The following ANTXRL variants were observed in gnomAD, a reference collection of about 807,000 sequenced individuals.
The protein encoded by ANTXRL is ANTXR like.
ANTXRL carries 63 observed loss-of-function variants against 75.4 expected under a neutral mutation model. The observed-to-expected ratio is 0.84, with a 90% CI of 0.68 to 1.03. The LOEUF (loss-of-function observed/expected upper bound fraction) is 1.03. Among genes scored for constraint, ANTXRL ranks in the 50% least tolerant of loss-of-function variants. The pLI is 0.00. For missense variants in ANTXRL, 797 were observed against 789.4 expected (o/e 1.01, Z -0.12); for synonymous variants, 335 against 291.3 (o/e 1.15, Z -1.53).
chr10:46,324,431 T>C (rs782317748), intron 16 of ANTXRL, among the ~76,000 whole-genome samples: 1 of 152,162 alleles, frequency 6.6e-6, no homozygotes, highest in Non-Finnish European at 1.5e-5. Flanking sequence ...ATCTTGGTAT[T>C]ATAATCTTAT....
chr10:46,287,370 C>T lies in ANTXRL; in HGVS notation c.108C>T (p.Asp36=), dbSNP rs1565008706. The T allele has an allele frequency of 6.5e-7, 1 of 1,536,054 alleles. No individual in the cohort carries two copies. The highest frequency in any genetic ancestry group is 1.4e-5 in the African/African-American group (1 of 73,114). ...GAAGCCTTCGGTACCATGGACCTGACTGGAGAATATTTCACCGCCTGGCCC... is the reference window on the plus strand; with the variant it reads ...GAAGCCTTCGGTACCATGGACCTGATTGGAGAATATTTCACCGCCTGGCCC... ...RAGSLRYHGP[D]WRIFHRLALG... is the part of the protein sequence containing the mutation. Residue 36 remains aspartate, a synonymous_variant, in exon 1 of 17, where the codon GAC becomes GAT. Coordinates refer to ENST00000620264, the MANE Select transcript of ANTXRL (RefSeq NM_001278688.3).
intron 1 of ANTXRL, among the ~76,000 whole-genome samples, chr10:46,288,376 G>T (rs1411029050): frequency 1.3e-5 from 2 of 152,214 alleles, no homozygotes; most frequent in South Asian, 2.1e-4. Context: ...TGGAGGTTGG[G>T]GAAGCATCCA....
In ANTXRL at chr10:46,311,573, C is replaced by T; in HGVS notation, c.1237C>T (p.Pro413Ser). The change falls in exon 15 of 17, where the codon CCG becomes TCG. Residue 413 changes from proline (P) to serine (S), a missense_variant. This residue lies in a region of ANTXRL where 479 missense variants were observed against 422.0 expected (regional missense o/e 1.14). Transcript: ENST00000620264. ...GCCTCCGCCTCCACCACCTCCACTC[C>T]CGCCTCCGCCCCCAGCTCCTGTAAA... ...PPPPPPPPPL[P>S]PPPPAPVNTC... is the part of the protein sequence containing the mutation. The T allele has an allele frequency of 2.6e-6, 4 of 1,514,194 alleles. No individual in the cohort carries two copies. In the South Asian group the frequency reaches 3.6e-5, roughly 14 times the overall value. The allele number at this position is 1,514,194 out of a possible 1,614,324, so 93.8% of individuals were successfully genotyped here.
intron 13 of ANTXRL, among the ~76,000 whole-genome samples, 154 bp downstream of exon 13, chr10:46,309,356 C>A (rs1422291095): frequency 1.3e-5 from 2 of 152,328 alleles, no homozygotes; most frequent in East Asian, 3.9e-4. Context: ...CAGACCTGTC[C>A]ACACGTTCCC....
chr10:46,293,360 ATGTGAGTGTGCC>A (rs1837132493), intron 2 of ANTXRL, among the ~76,000 whole-genome samples: 2 of 117,038 alleles, frequency 1.7e-5, no homozygotes, highest in African/African-American at 3.5e-5. Flanking sequence ...ATGTGTGTGC[ATGTGAGTGTGCC>A]TGTGTGTGAG....
At chr10:46,326,544 A>G (rs1839221395) in intron 16 of ANTXRL, among the ~76,000 whole-genome samples, 1 of 152,076 alleles carries the variant, frequency 6.6e-6, no homozygotes. Context: ...CTCAGAGGAA[A>G]AAAGGTTGGG....
chr10:46,309,079 G>A lies in ANTXRL; in HGVS notation c.1045-34G>A, dbSNP rs782641442. ...TGGTGGGCACGGGGAAGAGGCCACCGAGGCCCTCCTATGGTGCTCTCTTTC... is the reference window on the plus strand; with the variant it reads ...TGGTGGGCACGGGGAAGAGGCCACCAAGGCCCTCCTATGGTGCTCTCTTTC... On this transcript the variant is annotated intron_variant, in intron 12 of 16. Transcript: ENST00000620264. 4.1e-5 allele frequency: 63 copies of A among 1,535,360 alleles called. 1 individual carries two copies. The highest frequency in any genetic ancestry group is 1.6e-4 in the Admixed American group (8 of 50,978).
Position 46,311,629 on chromosome 10 carries a change from T to TA in ANTXRL, c.1293_1294insA (p.Gly432ArgfsTer20). 1 of 1,316,312 alleles carries TA rather than the reference T, an allele frequency of 7.6e-7. No homozygotes were observed. Among genetic ancestry groups the TA allele is most frequent in the Non-Finnish European group, 1.1e-6 (1 of 946,298 alleles). The allele number at this position is 1,316,312 out of a possible 1,614,324, so 81.5% of individuals were successfully genotyped here. A position where few individuals can be genotyped will look rare whatever the true frequency, so the allele number is the denominator to read the frequency against. ...GCCCCACTGTGATTATTTGTTGCTG[T>TA]GGATGCCAAGGAGTGGGCGGGATGA... On this transcript the variant is annotated frameshift_variant, in exon 15 of 17. Transcript: ENST00000620264. LOFTEE classifies it high-confidence loss of function.
At chr10:46,320,426 G>T (rs760106258) in intron 16 of ANTXRL, among the ~76,000 whole-genome samples, 2 of 152,012 alleles carry the variant, frequency 1.3e-5, no homozygotes, top group Non-Finnish European at 2.9e-5. Context: ...TTTGAGCAAG[G>T]GTTTGTTACA....
chr10:46,306,803 A>G lies in ANTXRL; in HGVS notation c.896A>G (p.Asp299Gly). Residue 299 changes from aspartate (D) to glycine (G), a missense_variant and splice_region_variant, in exon 11 of 17, where the codon GAT becomes GGT. Around this residue, in one of 3 missense-constraint regions of ANTXRL, gnomAD observed 479 missense variants for 422.0 expected, o/e 1.14. Transcript: ENST00000620264. ...RFIFNESTIIDEKPTSIDNNS... is the reference protein window; with the variant it reads ...RFIFNESTIIGEKPTSIDNNS... ...TTCTTCTCATGTCATTTTCTTTTAG[A>G]TGAAAAGCCAACCAGTATCGACAAT... 8 of 1,526,484 alleles carry G rather than the reference A, an allele frequency of 5.2e-6. No homozygotes were observed. Among genetic ancestry groups the G allele is most frequent in the Non-Finnish European group, 7.0e-6 (8 of 1,142,992 alleles). The allele number at this position is 1,526,484 out of a possible 1,614,324, so 94.6% of individuals were successfully genotyped here. A position where few individuals can be genotyped will look rare whatever the true frequency, so the allele number is the denominator to read the frequency against.
chr10:46,313,434 C>T (rs1838547457), intron 16 of ANTXRL, 118 bp downstream of exon 16: 1 of 1,033,390 alleles, frequency 9.7e-7, no homozygotes, highest in Non-Finnish European at 1.4e-6. Flanking sequence ...AAGAGGACGG[C>T]ACAAGACACA....
At chr10:46,318,119 A>C (rs1176577361) in intron 16 of ANTXRL, among the ~76,000 whole-genome samples, 1 of 152,130 alleles carries the variant, frequency 6.6e-6, no homozygotes, top group African/African-American at 2.4e-5. Context: ...AGGTGGCCTC[A>C]GTGTTAGTGC....
At position 46,287,484 on chromosome 10, in the gene ANTXRL, ATT is replaced by A. The variant is rs1554955557; in HGVS notation, c.224_225del (p.Phe75Ter). 1 of 1,535,742 alleles carries A rather than the reference ATT, an allele frequency of 6.5e-7. No homozygotes were observed. The highest frequency in any genetic ancestry group is 8.7e-7 in the Non-Finnish European group (1 of 1,146,698). ...GQAGHRCQGS[F>X]DLYFILDKSG... ...AAGCAGGTCACAGATGCCAGGGCTC[ATT>A]TGACCTCTACTTCATCTTGGACAAG... On this transcript the variant is annotated frameshift_variant, in exon 1 of 17. Coordinates refer to ENST00000620264, the MANE Select transcript of ANTXRL (RefSeq NM_001278688.3). LOFTEE classifies it high-confidence loss of function.
rs1380299763 is a variant in ANTXRL at position 46,306,957 on chromosome 10, C to CT, written c.965+85_965+86insT. On this transcript the variant is annotated intron_variant, in intron 11 of 16. Transcript: ENST00000620264. ...TTGAGGTGTACAAAATGTGGATGCC[C>CT]CCCACCCCCTGCTGGGACAGCACAT... is the stretch of plus-strand genomic sequence containing the variant. 18 of 1,142,188 alleles carry CT rather than the reference C, an allele frequency of 1.6e-5. No homozygotes were observed. The African/African-American group carries it at 2.8e-4, about 18-fold the overall frequency. 70.8% of individuals were successfully genotyped at this position (1,142,188 alleles called of 1,614,324 possible).
At chr10:46,329,485 C>G in intron 16 of ANTXRL, 114 bp from the exon 17 acceptor site, 2 of 1,364,746 alleles carry the variant, frequency 1.5e-6, no homozygotes, top group Non-Finnish European at 1.9e-6. Flanking sequence ...GCAAGGCCCA[C>G]CCTGTGGGTC....
In ANTXRL at chr10:46,287,140, G is replaced by T; in HGVS notation, c.-123G>T. 7.8e-7 allele frequency: 1 copy of T among 1,280,446 alleles called. No individual in the cohort carries two copies. The highest frequency in any genetic ancestry group is 1.5e-5 in the South Asian group (1 of 65,398). The allele number at this position is 1,280,446 out of a possible 1,614,324, so 79.3% of individuals were successfully genotyped here. A position where few individuals can be genotyped will look rare whatever the true frequency, so the allele number is the denominator to read the frequency against. ...GGCCATAGTGTGCACTGGTGAAAGGGCAGGAGGAGGGGTGTGGCCCCGGGC... is the reference window on the plus strand; with the variant it reads ...GGCCATAGTGTGCACTGGTGAAAGGTCAGGAGGAGGGGTGTGGCCCCGGGC... On this transcript the variant is annotated 5_prime_UTR_variant, in exon 1 of 17. Transcript: ENST00000620264.
chr10:46,301,210 G>A (rs1370749281), intron 9 of ANTXRL, among the ~76,000 whole-genome samples: 1 of 152,234 alleles, frequency 6.6e-6, no homozygotes, highest in Non-Finnish European at 1.5e-5. Flanking sequence ...GTGTCTGGCT[G>A]GCCAGGGCTT....
In ANTXRL at chr10:46,296,038, C is replaced by G; in HGVS notation, c.412C>G (p.Leu138Val). The stretch of plus-strand genomic sequence containing the variant: ...TTTCAGGAATAGAATAAAAAACGGT[C>G]TTGACCAACTTCAGAAAATTGTGCC... Reference protein sequence around the residue: ...TSDKNRIKNGLDQLQKIVPDG... With the variant: ...TSDKNRIKNGVDQLQKIVPDG... The change falls in exon 4 of 17, where the codon CTT becomes GTT. Residue 138 changes from leucine (L) to valine (V), a missense_variant. Around this residue, in one of 3 missense-constraint regions of ANTXRL, gnomAD observed 262 missense variants for 271.9 expected, o/e 0.96. Transcript: ENST00000620264. 1 of 1,535,880 alleles carries G rather than the reference C, an allele frequency of 6.5e-7. No homozygotes were observed. The highest frequency in any genetic ancestry group is 8.7e-7 in the Non-Finnish European group (1 of 1,146,740).
intron 4 of ANTXRL, 31 bp downstream of exon 4, chr10:46,296,131 C>T: frequency 2.6e-6 from 4 of 1,534,686 alleles, no homozygotes; most frequent in Non-Finnish European, 3.5e-6. Context: ...TAACCCTAAC[C>T]CTAACCCTAA....
Sources: gnomAD v4.1 joint callset for allele counts (sites outside exome capture counted in the v4.1 genomes callset) on GRCh38, gnomAD v4.1.1 for gene constraint, gnomAD v4.1.1 regional missense constraint, MANE v1.5 for transcripts, NCBI Gene and HGNC (gene_info 2026-07-23, HGNC 2026-07-21) for gene names.